The following PCK1 variants were observed in gnomAD, a reference collection of about 807,000 sequenced individuals.
The protein encoded by PCK1 is phosphoenolpyruvate carboxykinase 1, also known as phosphoenolpyruvate carboxykinase, cytosolic [GTP].
In PCK1, 44 loss-of-function variants were observed where a neutral mutation model predicts 50.3. The ratio of observed to expected loss-of-function variants is 0.87; its 90% confidence interval spans 0.69 to 1.12. PCK1 has a LOEUF of 1.12. Among genes scored for constraint, PCK1 ranks in the 50% most tolerant of loss-of-function variants. PCK1 has a pLI of 0.00. For missense variants in PCK1, 790 were observed against 815.0 expected (o/e 0.97, Z 0.37); for synonymous variants, 332 against 314.3 (o/e 1.06, Z -0.59).
In PCK1 at chr20:57,565,709, A is replaced by T; in HGVS notation, c.1774A>T (p.Ile592Phe). 6.2e-7 allele frequency: 1 copy of T among 1,613,878 alleles called. No individual in the cohort carries two copies. The highest frequency in any genetic ancestry group is 8.5e-7 in the Non-Finnish European group (1 of 1,180,022). ...ATTCTGGGAGAAGGAGGTGGAAGAC[A>T]TCGAGAAGTATCTGGAGGATCAAGT... ...KEFWEKEVEDIEKYLEDQVNA... is the reference protein window; with the variant it reads ...KEFWEKEVEDFEKYLEDQVNA... The change falls in exon 10 of 10, where the codon ATC becomes TTC. Residue 592 changes from isoleucine to phenylalanine, a missense_variant. Physicochemically the swap from Ile to Phe is conservative, Grantham distance 21 (BLOSUM62 0). Transcript: ENST00000319441.
rs1349729960 is a variant in PCK1 at position 57,567,536 on chromosome 20, C to T, written c.*1732C>T. 1.3e-5 allele frequency: 2 copies of T among 152,246 alleles called. No individual in the cohort carries two copies. The highest frequency in any genetic ancestry group is 2.4e-5 in the African/African-American group (1 of 41,466). The allele number at this position is 152,246 out of a possible 1,614,324, so 9.4% of individuals were successfully genotyped here. ...CTGCTGTATTAGTTTAAATCAGTGG[C>T]GTTCAAACTTGTTTCTCCTTTTCAC... On this transcript the variant is annotated 3_prime_UTR_variant, in exon 10 of 10. Transcript: ENST00000319441.
At chr20:57,564,133 C>A in intron 6 of PCK1, 36 bp from the exon 7 acceptor site, 1 of 1,366,250 alleles carries the variant, frequency 7.3e-7, no homozygotes, top group Non-Finnish European at 1.0e-6. Context: ...CTTTGCCTGG[C>A]ACTCACTACT....
intron 7 of PCK1, 27 bp from the exon 8 acceptor site, chr20:57,564,455 A>G (rs2070183735): frequency 1.2e-6 from 2 of 1,613,952 alleles, no homozygotes; most frequent in African/African-American, 2.7e-5. Flanking sequence ...TGAGCCAGGC[A>G]CTCACGAGCC....
Position 57,563,195 on chromosome 20 carries a change from T to G in PCK1, c.778T>G (p.Trp260Gly), listed in dbSNP as rs1223456028. 1.2e-6 allele frequency: 2 copies of G among 1,613,210 alleles called. No individual in the cohort carries two copies. ...MASRLAKEEGWLAEHMLILGI... is the reference protein window; with the variant it reads ...MASRLAKEEGGLAEHMLILGI... Reference sequence around the variant, plus strand: ...CAGCCGGCTGGCCAAGGAGGAAGGGTGGCTGGCAGAGCACATGCTGGTGAG... The same window carrying G: ...CAGCCGGCTGGCCAAGGAGGAAGGGGGGCTGGCAGAGCACATGCTGGTGAG... The change falls in exon 5 of 10, where the codon TGG (tryptophan) becomes GGG (glycine). Residue 260 changes from tryptophan (W) to glycine (G), a missense_variant. Trp to Gly is a radical substitution (Grantham distance 184, BLOSUM62 -2). Coordinates refer to ENST00000319441, the MANE Select transcript of PCK1 (RefSeq NM_002591.4).
Position 57,563,163 on chromosome 20 carries a change from G to C in PCK1, c.746G>C (p.Arg249Thr). ...SLLGKKCFALRMASRLAKEEG... is the reference protein window; with the variant it reads ...SLLGKKCFALTMASRLAKEEG... Reference sequence around the variant, plus strand: ...CTCGGGAAGAAGTGCTTTGCTCTCAGGATGGCCAGCCGGCTGGCCAAGGAG... The same window carrying C: ...CTCGGGAAGAAGTGCTTTGCTCTCACGATGGCCAGCCGGCTGGCCAAGGAG... Residue 249 changes from arginine to threonine, a missense_variant, in exon 5 of 10, where the codon AGG becomes ACG. By Grantham distance (71) the Arg-to-Thr change is moderately conservative. Coordinates refer to ENST00000319441, the MANE Select transcript of PCK1 (RefSeq NM_002591.4). The C allele has an allele frequency of 6.2e-7, 1 of 1,613,834 alleles. No homozygotes were observed. The highest frequency in any genetic ancestry group is 8.5e-7 in the Non-Finnish European group (1 of 1,180,036).
intron 9 of PCK1, 96 bp from the exon 10 acceptor site, chr20:57,565,254 G>C: frequency 7.6e-7 from 1 of 1,310,414 alleles, no homozygotes; most frequent in Non-Finnish European, 1.1e-6. Flanking sequence ...GAGAAAGAGA[G>C]AGAGGAGAAC....
rs959591059 is a variant in PCK1 at position 57,567,415 on chromosome 20, A to G, written c.*1611A>G. 1 of 152,274 alleles carries G rather than the reference A, an allele frequency of 6.6e-6. No homozygotes were observed. Among genetic ancestry groups the G allele is most frequent in the African/African-American group, 2.4e-5 (1 of 41,474 alleles). The allele number at this position is 152,274 out of a possible 1,614,324, so 9.4% of individuals were successfully genotyped here. Reference sequence around the variant, plus strand: ...AGAAATTGCCAGGATTTCCTTCCCCATTAAGGAGCTGAGAGTCTTAGCTCC... The same window carrying G: ...AGAAATTGCCAGGATTTCCTTCCCCGTTAAGGAGCTGAGAGTCTTAGCTCC... On this transcript the variant is annotated 3_prime_UTR_variant, in exon 10 of 10. Transcript: ENST00000319441.
rs754595324 is a variant in PCK1 at position 57,561,479 on chromosome 20, T to C, written c.68T>C (p.Leu23Pro). The C allele has an allele frequency of 3.7e-6, 6 of 1,613,840 alleles. No individual in the cohort carries two copies. Among genetic ancestry groups the C allele is most frequent in the Non-Finnish European group, 5.1e-6 (6 of 1,179,884 alleles). Reference sequence around the variant, plus strand: ...GTTGTCCAGGGAAGCCTGGACAGCCTACCCCAGGCAGTGAGGGAGTTTCTC... The same window carrying C: ...GTTGTCCAGGGAAGCCTGGACAGCCCACCCCAGGCAGTGAGGGAGTTTCTC... ...AKVVQGSLDS[L>P]PQAVREFLEN... Residue 23 changes from leucine to proline, a missense_variant, in exon 2 of 10, where the codon CTA (leucine) becomes CCA (proline). Transcript: ENST00000319441.
rs2070205621 is a variant in PCK1 at position 57,566,327 on chromosome 20, A to T, written c.*523A>T. On this transcript the variant is annotated 3_prime_UTR_variant, in exon 10 of 10. Transcript: ENST00000319441. The stretch of plus-strand genomic sequence containing the variant: ...GACCTACTAGTTTTCCTTGAAAAAA[A>T]GTTGCTTTGTTATTAATATTGTGCT... 6.6e-6 allele frequency: 1 copy of T among 152,482 alleles called. No homozygotes were observed. Among genetic ancestry groups the T allele is most frequent in the Non-Finnish European group, 1.5e-5 (1 of 68,302 alleles). 9.4% of individuals were successfully genotyped at this position (152,482 alleles called of 1,614,324 possible). A position where few individuals can be genotyped will look rare whatever the true frequency, so the allele number is the denominator to read the frequency against.
Position 57,562,892 on chromosome 20 carries a change from T to C in PCK1, c.603T>C (p.Pro201=), listed in dbSNP as rs754540292. The C allele has an allele frequency of 1.9e-6, 3 of 1,607,902 alleles. No homozygotes were observed. The highest frequency in any genetic ancestry group is 2.2e-5 in the South Asian group (2 of 90,960). Residue 201 remains proline, a synonymous_variant, in exon 4 of 10, where the codon CCT becomes CCC. Transcript: ENST00000319441. ...TCCATTCTGTGGGGTGCCCTCTGCC[T>C]TTACAAAGTAAGTGTATTATTTCAG... The part of the protein sequence containing the change: ...KCLHSVGCPL[P]LQKPLVNNWP...
chr20:57,561,793 G>T, intron 2 of PCK1, 158 bp downstream of exon 2: 1 of 619,402 alleles, frequency 1.6e-6, no homozygotes, highest in East Asian at 2.7e-5. Context: ...CTTGAATTTT[G>T]TGACATTAGT....
chr20:57,561,689 C>A (rs781035632), intron 2 of PCK1, 54 bp downstream of exon 2: 2 of 1,251,802 alleles, frequency 1.6e-6, no homozygotes, highest in Admixed American at 1.7e-5. Flanking sequence ...GGCTCCCCTG[C>A]GTCTCCTGGG....
chr20:57,563,690 CG>C lies in PCK1; in HGVS notation c.928del (p.Asp310MetfsTer6). 6.2e-7 allele frequency: 1 copy of C among 1,613,332 alleles called. No homozygotes were observed. Among genetic ancestry groups the C allele is most frequent in the Non-Finnish European group, 8.5e-7 (1 of 1,179,620 alleles). ...TCCCCGGGTGGAAGGTTGAGTGCGT[CG>C]GGGATGACATTGCCTGGATGAAGTT... ...SLPGWKVECV[G>X]DDIAWMKFDA... On this transcript the variant is annotated frameshift_variant, in exon 6 of 10. Coordinates refer to ENST00000319441, the MANE Select transcript of PCK1 (RefSeq NM_002591.4). LOFTEE classifies it high-confidence loss of function.
rs774094154 is a variant in PCK1, at chr20:57,563,031, C to G, written c.614C>G (p.Pro205Arg). 1.9e-6 allele frequency: 3 copies of G among 1,612,910 alleles called. No individual in the cohort carries two copies. The African/African-American group carries it at 4.0e-5, about 22-fold the overall frequency. Residue 205 changes from proline to arginine, a missense_variant, in exon 5 of 10, where the codon CCT (proline) becomes CGT (arginine). Coordinates refer to ENST00000319441, the MANE Select transcript of PCK1 (RefSeq NM_002591.4). Reference protein sequence around the residue: ...SVGCPLPLQKPLVNNWPCNPE... With the variant: ...SVGCPLPLQKRLVNNWPCNPE... ...TGGGAGGGGTCCTTGTTCACAGAGC[C>G]TTTGGTCAACAACTGGCCCTGCAAC...
At chr20:57,564,707 G>T (rs1303172785) in intron 8 of PCK1, 94 bp downstream of exon 8, 14 of 1,129,702 alleles carry the variant, frequency 1.2e-5, no homozygotes, top group Admixed American at 4.6e-5. Context: ...CTTGTCAGAG[G>T]GTGCCCAGGG....
chr20:57,563,368 A>C, intron 5 of PCK1, 153 bp downstream of exon 5: 1 of 736,906 alleles, frequency 1.4e-6, no homozygotes, highest in Middle Eastern at 3.9e-4. Flanking sequence ...TAGTTTACAC[A>C]TATACATCGC....
Position 57,561,566 on chromosome 20 carries a change from A to C in PCK1, c.155A>C (p.Glu52Ala). 6.2e-7 allele frequency: 1 copy of C among 1,613,928 alleles called. No individual in the cohort carries two copies. Among genetic ancestry groups the C allele is most frequent in the Non-Finnish European group, 8.5e-7 (1 of 1,179,998 alleles). Residue 52 changes from glutamate (E) to alanine (A), a missense_variant, in exon 2 of 10, where the codon GAG becomes GCG. By Grantham distance (107) the Glu-to-Ala change is moderately radical. Transcript: ENST00000319441. ...HIHICDGSEE[E>A]NGRLLGQMEE... ...CACATCTGTGACGGCTCTGAGGAGG[A>C]GAATGGGCGGCTTCTGGGCCAGATG...
At chr20:57,562,353 C>A (rs983948783) in intron 3 of PCK1, 101 bp downstream of exon 3, 1 of 983,280 alleles carries the variant, frequency 1.0e-6, no homozygotes, top group Non-Finnish European at 1.5e-6. Flanking sequence ...GCTCCCACCA[C>A]CTCAGATGTC....
At position 57,562,849 on chromosome 20, in the gene PCK1, G is replaced by A. The variant is rs1224037261; in HGVS notation, c.560G>A (p.Gly187Glu). The A allele has an allele frequency of 6.2e-7, 1 of 1,613,832 alleles. No individual in the cohort carries two copies. The highest frequency in any genetic ancestry group is 1.3e-5 in the African/African-American group (1 of 74,932). ...CCCGTCCTGGAAGCAGTGGGCGATG[G>A]GGAGTTTGTCAAATGCCTCCATTCT... ...GTPVLEAVGD[G>E]EFVKCLHSVG... The change falls in exon 4 of 10, where the codon GGG becomes GAG. Residue 187 changes from glycine to glutamate, a missense_variant. Physicochemically the swap from Gly to Glu is moderately conservative, Grantham distance 98 (BLOSUM62 -2). Coordinates refer to ENST00000319441, the MANE Select transcript of PCK1 (RefSeq NM_002591.4).
Sources: allele counts gnomAD v4.1 joint callset, GRCh38; gene constraint gnomAD v4.1.1; transcripts MANE v1.5; gene names NCBI Gene and HGNC (gene_info 2026-07-23, HGNC 2026-07-21).